The following HHAT variants were observed in gnomAD, a reference collection of about 807,000 sequenced individuals.
HHAT encodes hedgehog acyltransferase.
HHAT carries 47 observed loss-of-function variants against 70.8 expected under a neutral mutation model. That is an observed-to-expected ratio of 0.66 (90% CI 0.53 to 0.85). HHAT has a LOEUF of 0.85. Ranked by LOEUF, HHAT falls within the 40% of genes least tolerant of loss-of-function variation. The pLI, the probability that HHAT is intolerant of heterozygous loss-of-function variation, is 0.00. For synonymous variants in HHAT, 228 were observed against 247.6 expected (o/e 0.92, Z 0.74); for missense variants, 609 against 604.8 (o/e 1.01, Z -0.07).
intron 7 of HHAT, among the ~76,000 whole-genome samples, chr1:210,447,624 T>C (rs1243875105): frequency 2.6e-5 from 4 of 152,210 alleles, no homozygotes; most frequent in Admixed American, 6.5e-5. Flanking sequence ...TGCTTTGTCA[T>C]GTCAGGTGGC....
intron 9 of HHAT, among the ~76,000 whole-genome samples, chr1:210,537,530 T>G (rs891229429): frequency 2.1e-4 from 32 of 152,166 alleles, no homozygotes; most frequent in African/African-American, 7.7e-4. Flanking sequence ...TGGGGTTCAT[T>G]TCTGTGTTCC....
intron 8 of HHAT, among the ~76,000 whole-genome samples, chr1:210,476,942 T>C (rs2501900): frequency 0.17 from 26,180 of 152,190 alleles, 2,453 homozygotes; most frequent in East Asian, 0.43. Flanking sequence ...CTTCTCCTCC[T>C]TGACATGCCA....
At chr1:210,389,732 T>C (rs2091327264) in intron 4 of HHAT, among the ~76,000 whole-genome samples, 1 of 152,248 alleles carries the variant, frequency 6.6e-6, no homozygotes, top group African/African-American at 2.4e-5. Flanking sequence ...AAACCTCTTC[T>C]TCATAACTTA....
intron 9 of HHAT, among the ~76,000 whole-genome samples, chr1:210,528,799 G>C (rs868712961): frequency 6.6e-6 from 1 of 152,078 alleles, no homozygotes; most frequent in Admixed American, 6.5e-5. Context: ...GTACCATCAG[G>C]GATCTGGAAA....
chr1:210,612,123 C>T (rs1371561304), intron 10 of HHAT, among the ~76,000 whole-genome samples: 1 of 152,132 alleles, frequency 6.6e-6, no homozygotes, highest in African/African-American at 2.4e-5. Flanking sequence ...TTCACTCTTC[C>T]ATGTATCTAT....
chr1:210,599,664 A>C (rs903158193), intron 10 of HHAT, among the ~76,000 whole-genome samples: 15 of 152,080 alleles, frequency 9.9e-5, no homozygotes, highest in Non-Finnish European at 1.6e-4. Context: ...ATCCTAATCC[A>C]AGCTGCTCTC....
intron 3 of HHAT, among the ~76,000 whole-genome samples, chr1:210,378,514 G>A (rs2090399972): frequency 6.6e-6 from 1 of 152,062 alleles, no homozygotes; most frequent in Non-Finnish European, 1.5e-5. Context: ...TAAACTGGTT[G>A]GTAAGGTAGG....
At chr1:210,491,649 T>C (rs371340427) in intron 8 of HHAT, among the ~76,000 whole-genome samples, 39 of 152,366 alleles carry the variant, frequency 2.6e-4, no homozygotes, top group African/African-American at 8.9e-4. Flanking sequence ...TGATTACTTA[T>C]ATTCTGCTCC....
intron 7 of HHAT, among the ~76,000 whole-genome samples, chr1:210,445,045 G>A (rs538489357): frequency 6.6e-6 from 1 of 151,980 alleles, no homozygotes; most frequent in Non-Finnish European, 1.5e-5. Context: ...TCACCATGTT[G>A]GTCAGGCTGG....
intron 9 of HHAT, among the ~76,000 whole-genome samples, chr1:210,514,710 AG>A (rs1276843647): frequency 6.6e-6 from 1 of 152,202 alleles, no homozygotes; most frequent in East Asian, 1.9e-4. Flanking sequence ...AGAAAGGACA[AG>A]GGGGGTGAGG....
chr1:210,631,803 G>T (rs1670916944), intron 11 of HHAT, among the ~76,000 whole-genome samples: 1 of 152,180 alleles, frequency 6.6e-6, no homozygotes, highest in Non-Finnish European at 1.5e-5. Flanking sequence ...CCTTGCCTCA[G>T]GAATTCTATC....
intron 11 of HHAT, among the ~76,000 whole-genome samples, chr1:210,626,045 T>C (rs1302318173): frequency 6.6e-6 from 1 of 151,770 alleles, no homozygotes; most frequent in Non-Finnish European, 1.5e-5. Context: ...GAAATATGAG[T>C]TGGAGAAGAT....
intron 9 of HHAT, among the ~76,000 whole-genome samples, chr1:210,538,148 T>C (rs1163843874): frequency 6.6e-6 from 1 of 152,056 alleles, no homozygotes; most frequent in Non-Finnish European, 1.5e-5. Context: ...TTTGCTATTA[T>C]AGTATGTAAT....
chr1:210,593,234 T>TC (rs940845684), intron 10 of HHAT, among the ~76,000 whole-genome samples: 18 of 152,310 alleles, frequency 1.2e-4, no homozygotes, highest in African/African-American at 3.8e-4. Context: ...AATTTTGGGT[T>TC]TGTTTTGCTC....
At chr1:210,552,166 A>C (rs1263960399) in intron 9 of HHAT, among the ~76,000 whole-genome samples, 1 of 152,078 alleles carries the variant, frequency 6.6e-6, no homozygotes, top group East Asian at 1.9e-4. Context: ...GTGGAGAGCG[A>C]GGATTATACG....
intron 1 of HHAT, among the ~76,000 whole-genome samples, chr1:210,334,177 C>CTT (rs1342123521): frequency 4.6e-4 from 16 of 34,554 alleles, no homozygotes; most frequent in African/African-American, 1.2e-3. Context: ...TTTAGCGTGT[C>CTT]ATTTTTTTTT....
intron 1 of HHAT, among the ~76,000 whole-genome samples, chr1:210,332,787 A>C (rs191276891): frequency 1.5e-4 from 23 of 152,170 alleles, no homozygotes; most frequent in Non-Finnish European, 1.8e-4. Flanking sequence ...AATGTGAGTC[A>C]CCTGTTGCAA....
At chr1:210,366,220 C>T (rs2088950207) in intron 3 of HHAT, among the ~76,000 whole-genome samples, 1 of 152,180 alleles carries the variant, frequency 6.6e-6, no homozygotes, top group Non-Finnish European at 1.5e-5. Flanking sequence ...CCACTACTGA[C>T]ATTCTAGATT....
chr1:210,539,595 A>T (rs2095408189), intron 9 of HHAT, among the ~76,000 whole-genome samples: 1 of 152,176 alleles, frequency 6.6e-6, no homozygotes, highest in Non-Finnish European at 1.5e-5. Context: ...AAAATGTTGC[A>T]GTTGGTTTTG....
Sources: gnomAD v4.1 joint callset for allele counts (sites outside exome capture counted in the v4.1 genomes callset) on GRCh38, gnomAD v4.1.1 for gene constraint, MANE v1.5 for transcripts, NCBI Gene and HGNC (gene_info 2026-07-23, HGNC 2026-07-21) for gene names.